Variants in OR56A1 observed in about 807,000 individuals in gnomAD.
OR56A1 encodes the protein olfactory receptor family 56 subfamily A member 1, also known as olfactory receptor 56A1.
For missense variants in OR56A1, 360 were observed against 380.9 expected (o/e 0.94, Z 0.46); for synonymous variants, 174 against 159.1 (o/e 1.09, Z -0.70).
In OR56A1 at chr11:6,027,433, A is replaced by G; in HGVS notation, c.260T>C (p.Ile87Thr). Residue 87 changes from isoleucine to threonine, a missense_variant, in exon 2 of 2, where the codon ATC becomes ACC. Coordinates refer to ENST00000641900, the MANE Select transcript of OR56A1 (RefSeq NM_001388488.1). Reference protein sequence around the residue: ...CLTVIPKVLAIFWYDLRSISF... With the variant: ...CLTVIPKVLATFWYDLRSISF... ...GATCGACCTAAGATCATACCAGAAG[A>G]TGGCCAGGACCTTGGGGATGACGGT... 6.2e-7 allele frequency: 1 copy of G among 1,614,184 alleles called. No homozygotes were observed. Among genetic ancestry groups the G allele is most frequent in the Non-Finnish European group, 8.5e-7 (1 of 1,180,034 alleles).
rs982194456 is a variant in OR56A1 at position 6,026,460 on chromosome 11, C to T, written c.*288G>A. On this transcript the variant is annotated 3_prime_UTR_variant, in exon 2 of 2. Transcript: ENST00000641900. ...TCCCTTCCTAAAAGCATCTCTTTTTCTACTATGTGAAATGAAAGTAACAAT... is the reference window on the plus strand; with the variant it reads ...TCCCTTCCTAAAAGCATCTCTTTTTTTACTATGTGAAATGAAAGTAACAAT... 6.3e-6 allele frequency: 2 copies of T among 315,842 alleles called. No individual in the cohort carries two copies. The highest frequency in any genetic ancestry group is 1.7e-4 in the South Asian group (2 of 11,872). 19.6% of individuals were successfully genotyped at this position (315,842 alleles called of 1,614,324 possible).
In OR56A1 at chr11:6,024,050, G is replaced by A. The variant is rs891484301; in HGVS notation, c.*2698C>T. 1 of 152,204 alleles carries A rather than the reference G, an allele frequency of 6.6e-6. No homozygotes were observed. The highest frequency in any genetic ancestry group is 1.5e-5 in the Non-Finnish European group (1 of 68,040). The allele number at this position is 152,204 out of a possible 1,614,324, so 9.4% of individuals were successfully genotyped here. A position where few individuals can be genotyped will look rare whatever the true frequency, so the allele number is the denominator to read the frequency against. ...CCTCTATACTTAGAACCAGAGCAGA[G>A]AGCCAACTTTTCAAGTATGTGGTTT... is the stretch of plus-strand genomic sequence containing the variant. On this transcript the variant is annotated 3_prime_UTR_variant, in exon 2 of 2. Transcript: ENST00000641900.
chr11:6,027,143 T>A lies in OR56A1; in HGVS notation c.550A>T (p.Asn184Tyr). The A allele has an allele frequency of 6.2e-7, 1 of 1,614,188 alleles. No homozygotes were observed. Among genetic ancestry groups the A allele is most frequent in the Non-Finnish European group, 8.5e-7 (1 of 1,180,030 alleles). The change falls in exon 2 of 2, where the codon AAC (asparagine) becomes TAC (tyrosine). Residue 184 changes from asparagine to tyrosine, a missense_variant. Physicochemically the swap from Asn to Tyr is moderately radical, Grantham distance 143. Transcript: ENST00000641900. ...CAGGAGAGCCTGGACACAGACAAGT[T>A]GGCACAGATGCAGTTCTCAATGACA... ...ENVIENCICA[N>Y]LSVSRLSCDN...
intron 1 of OR56A1, 131 bp downstream of exon 1, chr11:6,030,571 C>G (rs1029181742): frequency 6.6e-6 from 1 of 152,168 alleles, no homozygotes; most frequent in Non-Finnish European, 1.5e-5. Context: ...CCAGTTCCAT[C>G]TAACACCCCA....
At position 6,024,734 on chromosome 11, in the gene OR56A1, G is replaced by C. The variant is rs537041075; in HGVS notation, c.*2014C>G. On this transcript the variant is annotated 3_prime_UTR_variant, in exon 2 of 2. Coordinates refer to ENST00000641900, the MANE Select transcript of OR56A1 (RefSeq NM_001388488.1). ...TTTTAGAAAATCAGTGGTGAAGTTGGCCTTTATATCATCTAAGGGACAATA... is the reference window on the plus strand; with the variant it reads ...TTTTAGAAAATCAGTGGTGAAGTTGCCCTTTATATCATCTAAGGGACAATA... The C allele has an allele frequency of 6.6e-6, 1 of 152,240 alleles. No individual in the cohort carries two copies. Among genetic ancestry groups the C allele is most frequent in the African/African-American group, 2.4e-5 (1 of 41,534 alleles). The allele number at this position is 152,240 out of a possible 1,614,324, so 9.4% of individuals were successfully genotyped here.
upstream of OR56A1, among the ~76,000 whole-genome samples, chr11:6,032,097 C>T (rs914141212): frequency 6.6e-6 from 1 of 151,912 alleles, no homozygotes; most frequent in Non-Finnish European, 1.5e-5. Context: ...GGTAACCTGG[C>T]CAAGAGAGAT....
chr11:6,027,027 G>A lies in OR56A1; in HGVS notation c.666C>T (p.Thr222=). Residue 222 remains threonine (T), a synonymous_variant, in exon 2 of 2, where the codon ACC becomes ACT. Transcript: ENST00000641900. ...ATCTAAGCACAGCTCTTAGAATGAAGGTGTAAGAGAGGAAGATGAGGAATA... is the reference window on the plus strand; with the variant it reads ...ATCTAAGCACAGCTCTTAGAATGAAAGTGTAAGAGAGGAAGATGAGGAATA... ...SDLFLIFLSY[T]FILRAVLRFK... is the part of the protein sequence containing the mutation. 6.2e-7 allele frequency: 1 copy of A among 1,614,096 alleles called. No individual in the cohort carries two copies. The highest frequency in any genetic ancestry group is 8.5e-7 in the Non-Finnish European group (1 of 1,179,976).
rs1474227663 is a variant in OR56A1, at chr11:6,026,754, C to A, written c.939G>T (p.Gly313=). ...KQGIQKLLQR[G]R ...TTAGAAATGCTTTACATATTCACCT[C>A]CCTCTCTGCAGTAACTTCTGAATTC... Residue 313 remains glycine, a synonymous_variant, in exon 2 of 2, where the codon GGG becomes GGT. Transcript: ENST00000641900. 6.3e-7 allele frequency: 1 copy of A among 1,577,422 alleles called. No homozygotes were observed. The highest frequency in any genetic ancestry group is 2.2e-5 in the East Asian group (1 of 44,680).
rs747066770 is a variant in OR56A1, at chr11:6,026,722, G to A, written c.*26C>T. The A allele has an allele frequency of 3.6e-6, 5 of 1,371,530 alleles. No homozygotes were observed. The East Asian group carries it at 1.1e-4, about 31-fold the overall frequency. The allele number at this position is 1,371,530 out of a possible 1,614,324, so 85.0% of individuals were successfully genotyped here. The stretch of plus-strand genomic sequence containing the variant: ...GTAAAATCACTGAAGAGGAAGAACA[G>A]GAGGTATTAGAAATGCTTTACATAT... On this transcript the variant is annotated 3_prime_UTR_variant, in exon 2 of 2. Coordinates refer to ENST00000641900, the MANE Select transcript of OR56A1 (RefSeq NM_001388488.1).
At position 6,024,827 on chromosome 11, in the gene OR56A1, T is replaced by G. The variant is rs1023632822; in HGVS notation, c.*1921A>C. On this transcript the variant is annotated 3_prime_UTR_variant, in exon 2 of 2. Coordinates refer to ENST00000641900, the MANE Select transcript of OR56A1 (RefSeq NM_001388488.1). ...GGAGAGAAGTTCTATTAGAGAATTC[T>G]GTGCTTAAAATATGACAAATACTGA... The G allele has an allele frequency of 6.6e-6, 1 of 152,192 alleles. No homozygotes were observed. The highest frequency in any genetic ancestry group is 1.5e-5 in the Non-Finnish European group (1 of 68,034). The allele number at this position is 152,192 out of a possible 1,614,324, so 9.4% of individuals were successfully genotyped here. A position where few individuals can be genotyped will look rare whatever the true frequency, so the allele number is the denominator to read the frequency against.
chr11:6,026,809 TAC>T lies in OR56A1; in HGVS notation c.882_883del (p.Tyr295TrpfsTer23). 6.2e-7 allele frequency: 1 copy of T among 1,613,990 alleles called. No homozygotes were observed. Among genetic ancestry groups the T allele is most frequent in the East Asian group, 2.2e-5 (1 of 44,888 alleles). On this transcript the variant is annotated frameshift_variant, in exon 2 of 2. Coordinates refer to ENST00000641900, the MANE Select transcript of OR56A1 (RefSeq NM_001388488.1). LOFTEE classifies it low-confidence loss of function (END_TRUNC). ...TTTTATCTCTTTGGTCCGAACCCCA[TAC>T]ACAATAGGGTTCAATGCAGGAGGAA...
At position 6,026,594 on chromosome 11, in the gene OR56A1, T is replaced by C; in HGVS notation, c.*154A>G. 1 of 575,826 alleles carries C rather than the reference T, an allele frequency of 1.7e-6. No homozygotes were observed. The highest frequency in any genetic ancestry group is 2.9e-5 in the East Asian group (1 of 34,930). 35.7% of individuals were successfully genotyped at this position (575,826 alleles called of 1,614,324 possible). ...TCCCCTTGCCTACCTCCACCTGAAC[T>C]AGGCAAGGAAAGTAAAGGAAGGAAT... is the stretch of plus-strand genomic sequence containing the variant. On this transcript the variant is annotated 3_prime_UTR_variant, in exon 2 of 2. Coordinates refer to ENST00000641900, the MANE Select transcript of OR56A1 (RefSeq NM_001388488.1).
At position 6,027,260 on chromosome 11, in the gene OR56A1, C is replaced by A. The variant is rs148490713; in HGVS notation, c.433G>T (p.Ala145Ser). The change falls in exon 2 of 2, where the codon GCC becomes TCC. Residue 145 changes from alanine to serine, a missense_variant. Transcript: ENST00000641900. ...ACCACAATGAAGACACTAGCTTTGG[C>A]CACAAATTGATTAGTGATGATGGAT... ...YPSIITNQFV[A>S]KASVFIVVRN... 3.6e-5 allele frequency: 58 copies of A among 1,614,064 alleles called. No individual in the cohort carries two copies. The highest frequency in any genetic ancestry group is 4.7e-5 in the Non-Finnish European group (55 of 1,180,034).
In OR56A1 at chr11:6,021,166, C is replaced by T. The variant is rs1395689551; in HGVS notation, c.*5582G>A. 6.6e-6 allele frequency: 1 copy of T among 151,994 alleles called. No homozygotes were observed. Among genetic ancestry groups the T allele is most frequent in the Non-Finnish European group, 1.5e-5 (1 of 67,918 alleles). The allele number at this position is 151,994 out of a possible 1,614,324, so 9.4% of individuals were successfully genotyped here. A position where few individuals can be genotyped will look rare whatever the true frequency, so the allele number is the denominator to read the frequency against. On this transcript the variant is annotated 3_prime_UTR_variant, in exon 2 of 2. Transcript: ENST00000641900. ...TGAGTGTGATCACTAGCACATTGAACTGACCTGATACAGATAGATCAAAAA... is the reference window on the plus strand; with the variant it reads ...TGAGTGTGATCACTAGCACATTGAATTGACCTGATACAGATAGATCAAAAA...
rs1352534658 is a variant in OR56A1, at chr11:6,022,836, G to A, written c.*3912C>T. 6.6e-6 allele frequency: 1 copy of A among 152,104 alleles called. No homozygotes were observed. The highest frequency in any genetic ancestry group is 1.5e-5 in the Non-Finnish European group (1 of 68,008). 9.4% of individuals were successfully genotyped at this position (152,104 alleles called of 1,614,324 possible). On this transcript the variant is annotated 3_prime_UTR_variant, in exon 2 of 2. Coordinates refer to ENST00000641900, the MANE Select transcript of OR56A1 (RefSeq NM_001388488.1). Reference sequence around the variant, plus strand: ...TCAATAACTAATTTTTGGTTGAATAGGTGCAGAAATGTTGTTATTATATAC... The same window carrying A: ...TCAATAACTAATTTTTGGTTGAATAAGTGCAGAAATGTTGTTATTATATAC...
intron 1 of OR56A1, among the ~76,000 whole-genome samples, chr11:6,030,364 GT>G (rs1848500384): frequency 6.7e-6 from 1 of 149,984 alleles, no homozygotes; most frequent in Non-Finnish European, 1.5e-5. Flanking sequence ...GAGACCATAA[GT>G]TCATGAGGGA....
chr11:6,027,556 G>T lies in OR56A1; in HGVS notation c.137C>A (p.Thr46Asn), dbSNP rs374876534. The change falls in exon 2 of 2, where the codon ACC becomes AAC. Residue 46 changes from threonine (T) to asparagine (N), a missense_variant. Thr to Asn is a moderately conservative substitution (Grantham distance 65). Coordinates refer to ENST00000641900, the MANE Select transcript of OR56A1 (RefSeq NM_001388488.1). Reference protein sequence around the residue: ...LLFLLAMGANTTLLITIQLEA... With the variant: ...LLFLLAMGANNTLLITIQLEA... The stretch of plus-strand genomic sequence containing the variant: ...CAGCTGGATGGTGATCAGGAGGGTG[G>T]TGTTAGCTCCCATGGCCAGGAGGAA... 5.6e-6 allele frequency: 9 copies of T among 1,613,910 alleles called. No homozygotes were observed. The highest frequency in any genetic ancestry group is 1.3e-5 in the African/African-American group (1 of 74,908).
chr11:6,030,398 T>C lies in OR56A1; in HGVS notation c.-35+304A>G, dbSNP rs368581576. The stretch of plus-strand genomic sequence containing the variant: ...GGAAGAAACCATGTGTGGTTTTTCT[T>C]TTATCATCACTATATAAACAGGGTA... On this transcript the variant is annotated intron_variant, in intron 1 of 1. Coordinates refer to ENST00000641900, the MANE Select transcript of OR56A1 (RefSeq NM_001388488.1). Among the ~76,000 whole-genome samples, 4 of 152,166 alleles carry C rather than the reference T, an allele frequency of 2.6e-5. No homozygotes were observed. In the East Asian group the frequency reaches 5.8e-4, roughly 22 times the overall value.
rs1346683075 is a variant in OR56A1 at position 6,024,931 on chromosome 11, G to C, written c.*1817C>G. On this transcript the variant is annotated 3_prime_UTR_variant, in exon 2 of 2. Transcript: ENST00000641900. The stretch of plus-strand genomic sequence containing the variant: ...AGAGCCCCTTCCTGTAAGCCAATGG[G>C]TATAATTTTTCTTTCCTACTGTTGT... The C allele has an allele frequency of 2.6e-5, 4 of 152,122 alleles. No individual in the cohort carries two copies. Among genetic ancestry groups the C allele is most frequent in the Non-Finnish European group, 5.9e-5 (4 of 68,036 alleles). 9.4% of individuals were successfully genotyped at this position (152,122 alleles called of 1,614,324 possible).
Sources: allele counts gnomAD v4.1 joint callset (sites outside exome capture counted in the v4.1 genomes callset), GRCh38; gene constraint gnomAD v4.1.1; transcripts MANE v1.5; gene names NCBI Gene and HGNC (gene_info 2026-07-23, HGNC 2026-07-21).